Variants in MOK observed in about 807,000 individuals in gnomAD.
MOK encodes MAPK/MAK/MRK overlapping kinase.
MOK carries 59 observed loss-of-function variants against 54.2 expected under a neutral mutation model. The ratio of observed to expected loss-of-function variants is 1.09; its 90% CI spans 0.88 to 1.35. MOK has a LOEUF of 1.35. MOK is among the 40% of genes most tolerant of loss of function. MOK has a pLI of 0.00. For synonymous variants in MOK, 210 were observed against 202.7 expected (o/e 1.04, Z -0.31); for missense variants, 517 against 526.2 (o/e 0.98, Z 0.17).
chr14:102,224,679 C>G (rs1424827224), downstream of MOK: 3 of 456,056 alleles, frequency 6.6e-6, no homozygotes, highest in Non-Finnish European at 8.8e-6. Context: ...GCTCAGCCCT[C>G]GGTTTAGTTT....
chr14:102,232,636 G>A lies in MOK; in HGVS notation c.765C>T (p.Ser255=), dbSNP rs758866053. The A allele has an allele frequency of 1.1e-5, 17 of 1,613,890 alleles. No homozygotes were observed. The highest frequency in any genetic ancestry group is 1.4e-5 in the Non-Finnish European group (17 of 1,179,930). The part of the protein sequence containing the change: ...SGIPLLTTNL[S]PQCLSLLHAM... ...CGTGCAGGAGGGAGAGGCATTGTGG[G>A]GACAAATTGGTTGTTAGTAGAGGTA... The change falls in exon 9 of 12, where the codon TCC becomes TCT. Residue 255 remains serine, a synonymous_variant. Coordinates refer to ENST00000361847, the MANE Select transcript of MOK (RefSeq NM_014226.3). The surrounding 1 kb of genome is among the most constrained non-coding windows in gnomAD (Gnocchi z 5.1).
chr14:102,224,576 AT>A (rs760757777), downstream of MOK: 71 of 456,078 alleles, frequency 1.6e-4, no homozygotes, highest in Non-Finnish European at 2.8e-4. Flanking sequence ...ATCACATTAA[AT>A]TGGGGGCATG....
At chr14:102,216,043 C>T in the MOK span, among the ~76,000 whole-genome samples, 1 of 152,152 alleles carries the variant, frequency 6.6e-6, no homozygotes, top group Non-Finnish European at 1.5e-5. Context: ...CCCACTCAGC[C>T]GCCTCTGCAT....
chr14:102,283,124 TC>T (rs983112856), intron 2 of MOK: 33 of 161,912 alleles, frequency 2.0e-4, no homozygotes, highest in Non-Finnish European at 3.6e-4. Flanking sequence ...TTCCGAGCTC[TC>T]TATCCTGTTC....
rs569074596 is a variant in MOK at position 102,240,634 on chromosome 14, G to A, written c.591-6845C>T. 4 of 152,368 alleles carry A rather than the reference G, an allele frequency of 2.6e-5. No individual in the cohort carries two copies. The highest frequency in any genetic ancestry group is 1.3e-4 in the Admixed American group (2 of 15,310). The allele number at this position is 152,368 out of a possible 1,614,324, so 9.4% of individuals were successfully genotyped here. A position where few individuals can be genotyped will look rare whatever the true frequency, so the allele number is the denominator to read the frequency against. On this transcript the variant is annotated intron_variant, in intron 7 of 11. Coordinates refer to ENST00000361847, the MANE Select transcript of MOK (RefSeq NM_014226.3). This position sits in a 1 kb window ranked among gnomAD's most constrained non-coding sequence, Gnocchi z 5.4. ...CAGACTCAGGAATAGTCTTCTCTTG[G>A]TGTTTAATCACTGCGGGGATGCCTG...
chr14:102,246,150 A>AC (rs140678666), intron 7 of MOK: 6,380 of 152,068 alleles, frequency 0.042, 150 homozygotes, highest in Middle Eastern at 0.065. Context: ...CCTAATCGTT[A>AC]CCCTTACAGC....
chr14:102,227,952 T>A (rs947826749), downstream of MOK, among the ~76,000 whole-genome samples: 1 of 152,194 alleles, frequency 6.6e-6, no homozygotes, highest in Non-Finnish European at 1.5e-5. Flanking sequence ...TTCAAAAATA[T>A]CTCTTTAAGT....
intron 1 of MOK, among the ~76,000 whole-genome samples, chr14:102,297,543 C>T (rs1247968817): frequency 1.3e-5 from 2 of 152,248 alleles, no homozygotes; most frequent in African/African-American, 2.4e-5. Flanking sequence ...TCCTCGGCCT[C>T]GGTGCCCACT....
At chr14:102,261,254 C>CAA (rs71116891) in intron 4 of MOK, among the ~76,000 whole-genome samples, 1 of 86,852 alleles carries the variant, frequency 1.2e-5, no homozygotes. Flanking sequence ...ACTCTGCCTA[C>CAA]AAAAAAAAAA....
downstream of MOK, chr14:102,226,054 G>C (rs71415884): frequency 1.2e-5 from 6 of 501,478 alleles, no homozygotes; most frequent in East Asian, 7.4e-5. This position sits in a 1 kb window ranked among gnomAD's most constrained non-coding sequence, Gnocchi z 4.8. Context: ...CTGCACCGCA[G>C]GTGTGGGGAC....
At chr14:102,246,278 C>T (rs540964040) in intron 7 of MOK, 57 of 152,214 alleles carry the variant, frequency 3.7e-4, no homozygotes, top group African/African-American at 1.3e-3. Context: ...CTGGTTCCAC[C>T]CACGGAACGA....
At chr14:102,264,877 C>CA (rs1415779413) in intron 3 of MOK, among the ~76,000 whole-genome samples, 1 of 152,214 alleles carries the variant, frequency 6.6e-6, no homozygotes. Context: ...TGCACCCTCT[C>CA]AGAGTGTCAG....
intron 1 of MOK, among the ~76,000 whole-genome samples, chr14:102,294,269 A>AC (rs1426820320): frequency 1.3e-5 from 2 of 151,970 alleles, no homozygotes; most frequent in South Asian, 2.1e-4. Flanking sequence ...ACATGGTGAA[A>AC]CCCCGTCTCT....
intron 4 of MOK, among the ~76,000 whole-genome samples, chr14:102,254,563 G>A (rs570212306): frequency 4.6e-5 from 7 of 152,094 alleles, no homozygotes; most frequent in Non-Finnish European, 7.4e-5. Flanking sequence ...CACTGCTCCC[G>A]ACTTACCCCG....
At chr14:102,263,698 C>A in intron 3 of MOK, 82 bp from the exon 4 acceptor site, 3 of 946,560 alleles carry the variant, frequency 3.2e-6, no homozygotes, top group Non-Finnish European at 3.2e-6. Flanking sequence ...CATTTGTAAA[C>A]ATTTCTAGTA....
In MOK at chr14:102,233,717, G is replaced by C; in HGVS notation, c.663C>G (p.Pro221=). The stretch of plus-strand genomic sequence containing the variant: ...TGAACTTGGTGAGGATCTTCTGAGC[G>C]GGTGTGCCGATGACATCGTGGATTT... ...ISKIHDVIGT[P]AQKILTKFKQ... Residue 221 remains proline, a synonymous_variant, in exon 8 of 12, where the codon CCC becomes CCG. Coordinates refer to ENST00000361847, the MANE Select transcript of MOK (RefSeq NM_014226.3). 6.2e-7 allele frequency: 1 copy of C among 1,613,890 alleles called. No homozygotes were observed.
At chr14:102,264,210 CAAAAA>C (rs66463478) in intron 3 of MOK, 9 of 88,730 alleles carry the variant, frequency 1.0e-4, no homozygotes, top group East Asian at 8.0e-4. Context: ...GACCCTGTCT[CAAAAA>C]AAAAAAAAAA....
At chr14:102,266,616 CTT>C (rs1022197745) in intron 2 of MOK, among the ~76,000 whole-genome samples, 9 of 151,590 alleles carry the variant, frequency 5.9e-5, no homozygotes, top group African/African-American at 2.2e-4. Flanking sequence ...GAGTTTCTCT[CTT>C]GTTGCCCAGG....
At position 102,229,114 on chromosome 14, in the gene MOK, AGCTGCGCG is replaced by A; in HGVS notation, c.*167_*174del. The A allele has an allele frequency of 1.6e-6, 1 of 617,714 alleles. No homozygotes were observed. The highest frequency in any genetic ancestry group is 3.3e-5 in the Admixed American group (1 of 29,944). 38.3% of individuals were successfully genotyped at this position (617,714 alleles called of 1,614,324 possible). ...TATATTAGCCCAGAACATCCTAGGC[AGCTGCGCG>A]GGCCGCGGGTGCGGCAGGGCGCAGG... On this transcript the variant is annotated 3_prime_UTR_variant, in exon 12 of 12. Transcript: ENST00000361847.
Sources: gnomAD v4.1 joint callset for allele counts (sites outside exome capture counted in the v4.1 genomes callset) on GRCh38, gnomAD v4.1.1 for gene constraint, Gnocchi (gnomAD v3.1) non-coding constraint, MANE v1.5 for transcripts, NCBI Gene and HGNC (gene_info 2026-07-23, HGNC 2026-07-21) for gene names.